Variants in C4orf51 observed in about 807,000 individuals in gnomAD.
C4orf51 encodes chromosome 4 open reading frame 51.
Under a neutral mutation model 25.2 loss-of-function variants are expected in C4orf51, and 25 were observed. The observed-to-expected ratio is 0.99, with a 90% CI of 0.72 to 1.39. C4orf51 has a LOEUF of 1.39. Ranked by LOEUF, C4orf51 falls within the 40% of genes most tolerant of loss-of-function variation. The probability of loss-of-function intolerance (pLI) is 0.00; values close to 1 mark genes in which losing one functional copy is unlikely to be tolerated. For missense variants in C4orf51, 252 were observed against 239.6 expected (o/e 1.05, Z -0.34); for synonymous variants, 100 against 84.5 (o/e 1.18, Z -1.01).
chr4:145,734,647 G>C (rs1008181224), downstream of C4orf51, among the ~76,000 whole-genome samples: 2 of 152,172 alleles, frequency 1.3e-5, no homozygotes, highest in African/African-American at 2.4e-5. Flanking sequence ...TTTTAAAAAT[G>C]AAACCAGGTG....
Position 145,765,410 on chromosome 4 carries a change from C to G in C4orf51, n.167-5578C>G, listed in dbSNP as rs142093951. ...CAAATTAAGCCAAAAGAAATACAAC[C>G]TTTAGGTGAGGCCCAGCATACTGCA... On this transcript the variant is annotated intron_variant and non_coding_transcript_variant, in intron 1 of 1. Transcript: ENST00000510096. This position sits in a 1 kb window ranked among gnomAD's most constrained non-coding sequence, Gnocchi z 4.7. 5.2e-5 allele frequency: 59 copies of G among 1,143,180 alleles called. No individual in the cohort carries two copies. Among genetic ancestry groups the G allele is most frequent in the South Asian group, 1.8e-4 (11 of 60,316 alleles). 70.8% of individuals were successfully genotyped at this position (1,143,180 alleles called of 1,614,324 possible).
Position 145,696,553 on chromosome 4 carries a change from C to A in C4orf51, c.234-6C>A. ...GTAACTTGTTTCTTCTACTTGCTTT[C>A]CTTAGGATGTCATTGACAAACAGTT... On this transcript the variant is annotated splice_polypyrimidine_tract_variant and splice_region_variant and intron_variant, in intron 1 of 5. Coordinates refer to ENST00000438731, the MANE Select transcript of C4orf51 (RefSeq NM_001080531.3). The A allele has an allele frequency of 6.2e-7, 1 of 1,611,666 alleles. No homozygotes were observed. Among genetic ancestry groups the A allele is most frequent in the East Asian group, 2.2e-5 (1 of 44,866 alleles).
the C4orf51 span, among the ~76,000 whole-genome samples, chr4:145,776,423 T>C: frequency 6.7e-6 from 1 of 150,272 alleles, no homozygotes; most frequent in Non-Finnish European, 1.5e-5. Context: ...ATCACATCAC[T>C]GCACTCCAGC....
intron 1 of C4orf51, among the ~76,000 whole-genome samples, chr4:145,753,746 C>T (rs1049471120): frequency 2.0e-5 from 3 of 152,088 alleles, no homozygotes; most frequent in African/African-American, 7.2e-5. Context: ...GGTAACTTGT[C>T]CCTATCAGCC....
chr4:145,749,065 G>GTATATATA (rs70956871), intron 1 of C4orf51, among the ~76,000 whole-genome samples: 8 of 116,112 alleles, frequency 6.9e-5, no homozygotes, highest in Non-Finnish European at 1.2e-4. Flanking sequence ...GTGTGTGTGT[G>GTATATATA]TATATATATA....
downstream of C4orf51, chr4:145,775,678 G>T: frequency 7.6e-7 from 1 of 1,323,224 alleles, no homozygotes; most frequent in Non-Finnish European, 1.1e-6. Context: ...TGAAGGCCAG[G>T]CTATGACTGA....
rs139354849 is a variant in C4orf51, at chr4:145,691,057, G to A, written c.234-5502G>A. ...GAGCCTGGTAGGTCGAGGCTATAGT[G>A]AGCTATGATCATGCCACTGCACTCC... is the stretch of plus-strand genomic sequence containing the variant. On this transcript the variant is annotated intron_variant, in intron 1 of 5. Coordinates refer to ENST00000438731, the MANE Select transcript of C4orf51 (RefSeq NM_001080531.3). Among the ~76,000 whole-genome samples, 763 of 152,012 alleles carry A rather than the reference G, an allele frequency of 5.0e-3. 3 individuals carry two copies. Among genetic ancestry groups the A allele is most frequent in the African/African-American group, 0.017 (714 of 41,422 alleles).
chr4:145,729,038 G>A, intron 3 of C4orf51, 131 bp from the exon 4 acceptor site: 7 of 660,506 alleles, frequency 1.1e-5, no homozygotes, highest in Non-Finnish European at 1.9e-5. Context: ...TCACAGTGGT[G>A]GCTTTTGACA....
chr4:145,780,436 C>T, the C4orf51 span, among the ~76,000 whole-genome samples: 1 of 152,154 alleles, frequency 6.6e-6, no homozygotes, highest in African/African-American at 2.4e-5. Flanking sequence ...ACCAGAATTT[C>T]CCCCAAAGGT....
the C4orf51 span, among the ~76,000 whole-genome samples, chr4:145,780,104 T>A: frequency 6.6e-6 from 1 of 152,172 alleles, no homozygotes; most frequent in African/African-American, 2.4e-5. Context: ...GGCACGAGAA[T>A]CGCTTGAAGC....
At chr4:145,745,956 G>A (rs927386581) in intron 1 of C4orf51, among the ~76,000 whole-genome samples, 2 of 152,134 alleles carry the variant, frequency 1.3e-5, no homozygotes, top group African/African-American at 4.8e-5. Context: ...GTTTTGGTTT[G>A]CATTTCTCTG....
At chr4:145,756,781 A>C (rs1267059919), downstream of C4orf51, among the ~76,000 whole-genome samples, 2 of 152,240 alleles carry the variant, frequency 1.3e-5, no homozygotes, top group Non-Finnish European at 2.9e-5. Context: ...AAAAATAGCT[A>C]TTGGATGAAA....
the C4orf51 span, chr4:145,779,260 C>T: frequency 1.6e-5 from 22 of 1,357,528 alleles, no homozygotes; most frequent in Non-Finnish European, 2.1e-5. Flanking sequence ...TTGAAAAGGT[C>T]AGCCATTCCC....
intron 2 of C4orf51, among the ~76,000 whole-genome samples, chr4:145,704,539 G>T (rs975568335): frequency 6.6e-6 from 1 of 152,130 alleles, no homozygotes; most frequent in Non-Finnish European, 1.5e-5. Context: ...CTGTATATGC[G>T]TGGGTTTATT....
chr4:145,768,399 A>T (rs1735649469), intron 1 of C4orf51, among the ~76,000 whole-genome samples: 1 of 152,086 alleles, frequency 6.6e-6, no homozygotes, highest in Non-Finnish European at 1.5e-5. Context: ...TCCTGACCTC[A>T]AGTGATCTGC....
intron 2 of C4orf51, among the ~76,000 whole-genome samples, chr4:145,724,719 G>C (rs1731943847): frequency 6.6e-6 from 1 of 151,422 alleles, no homozygotes; most frequent in South Asian, 2.1e-4. Context: ...TCATTTCTAT[G>C]ACAAATTTTT....
At chr4:145,701,202 A>G (rs1255081182) in intron 2 of C4orf51, among the ~76,000 whole-genome samples, 1 of 86,748 alleles carries the variant, frequency 1.2e-5, no homozygotes, top group East Asian at 2.8e-4. Context: ...ACCCCGCAAC[A>G]GGACTTAACC....
downstream of C4orf51, among the ~76,000 whole-genome samples, chr4:145,755,768 G>T (rs1425327918): frequency 6.6e-6 from 1 of 152,192 alleles, no homozygotes; most frequent in African/African-American, 2.4e-5. Context: ...ACCCCATTTT[G>T]TGTGGGACTC....
At chr4:145,720,173 A>C (rs778546845) in intron 2 of C4orf51, among the ~76,000 whole-genome samples, 24 of 152,056 alleles carry the variant, frequency 1.6e-4, no homozygotes, top group Admixed American at 6.5e-5. Flanking sequence ...TGTCTAAGAA[A>C]GGCACTCTAC....
Sources: allele counts gnomAD v4.1 joint callset (sites outside exome capture counted in the v4.1 genomes callset), GRCh38; gene constraint gnomAD v4.1.1; non-coding constraint Gnocchi (gnomAD v3.1); transcripts MANE v1.5; gene names NCBI Gene and HGNC (gene_info 2026-07-23, HGNC 2026-07-21).